Variants in GABRB1 observed in about 807,000 individuals in gnomAD.
GABRB1 encodes gamma-aminobutyric acid receptor subunit beta-1.
A neutral mutation model predicts 51.6 loss-of-function variants in GABRB1; 17 were observed. The observed-to-expected ratio is 0.33, with a 90% CI of 0.23 to 0.49. The LOEUF is 0.49. Among genes scored for constraint, GABRB1 ranks in the 20% least tolerant of loss-of-function variants. The pLI, the probability that GABRB1 is intolerant of heterozygous loss-of-function variation, is 0.99. For synonymous variants in GABRB1, 247 were observed against 218.9 expected (o/e 1.13, Z -1.14); for missense variants, 410 against 600.6 (o/e 0.68, Z 3.32).
At chr4:46,996,054 T>A (rs187186266) in intron 1 of GABRB1, among the ~76,000 whole-genome samples, 1 of 148,902 alleles carries the variant, frequency 6.7e-6, no homozygotes, top group East Asian at 2.0e-4. Flanking sequence ...AAAAAAATAT[T>A]GCCTGCTAAC....
intron 3 of GABRB1, among the ~76,000 whole-genome samples, chr4:47,092,731 C>T (rs1479804760): frequency 6.6e-6 from 1 of 151,846 alleles, no homozygotes; most frequent in Admixed American, 6.6e-5. Flanking sequence ...TCTGCCTCAG[C>T]CTCCCGAGTG....
chr4:47,049,396 C>T (rs1016628836), intron 3 of GABRB1, among the ~76,000 whole-genome samples: 2 of 152,074 alleles, frequency 1.3e-5, no homozygotes, highest in South Asian at 2.1e-4. Flanking sequence ...AATACAGAGG[C>T]TAATCAGACG....
chr4:47,077,441 G>A (rs1383001467), intron 3 of GABRB1, among the ~76,000 whole-genome samples: 1 of 152,100 alleles, frequency 6.6e-6, no homozygotes, highest in Non-Finnish European at 1.5e-5. Flanking sequence ...AAATAAAAAC[G>A]AAATAGTTGG....
chr4:47,179,008 C>A (rs1055410385), intron 4 of GABRB1, among the ~76,000 whole-genome samples: 9 of 152,036 alleles, frequency 5.9e-5, no homozygotes, highest in Non-Finnish European at 1.0e-4. Flanking sequence ...GATACATGTG[C>A]AGAACATGCA....
intron 3 of GABRB1, among the ~76,000 whole-genome samples, chr4:47,047,432 G>T (rs1350568435): frequency 6.6e-6 from 1 of 151,990 alleles, no homozygotes; most frequent in Non-Finnish European, 1.5e-5. Context: ...TGTAAACTGA[G>T]ATATAAAAAA....
At chr4:47,012,267 G>T (rs1459490133) in intron 1 of GABRB1, among the ~76,000 whole-genome samples, 2 of 152,236 alleles carry the variant, frequency 1.3e-5, no homozygotes, top group African/African-American at 2.4e-5. Flanking sequence ...CATCATGGGG[G>T]TTTGTTGTAC....
intron 3 of GABRB1, among the ~76,000 whole-genome samples, chr4:47,128,686 G>A (rs189707965): frequency 6.6e-6 from 1 of 151,832 alleles, no homozygotes; most frequent in East Asian, 1.9e-4. Flanking sequence ...ATATTTCAGA[G>A]TTTTGCCCCT....
At chr4:47,146,877 T>C (rs1202777788) in intron 3 of GABRB1, among the ~76,000 whole-genome samples, 2 of 152,068 alleles carry the variant, frequency 1.3e-5, no homozygotes, top group Admixed American at 1.3e-4. Context: ...ACTTAGAATG[T>C]GACAAAATTG....
At chr4:47,339,015 C>A (rs1263076919) in intron 5 of GABRB1, among the ~76,000 whole-genome samples, 1 of 152,096 alleles carries the variant, frequency 6.6e-6, no homozygotes, top group Non-Finnish European at 1.5e-5. Flanking sequence ...ATTCAGATAC[C>A]CATAAATCTA....
At chr4:47,367,609 T>C (rs1727024883) in intron 5 of GABRB1, among the ~76,000 whole-genome samples, 1 of 152,210 alleles carries the variant, frequency 6.6e-6, no homozygotes, top group African/African-American at 2.4e-5. Flanking sequence ...TTGCTTTCCC[T>C]AGAACTCCTT....
chr4:47,095,081 A>C (rs1714341224), intron 3 of GABRB1, among the ~76,000 whole-genome samples: 1 of 152,144 alleles, frequency 6.6e-6, no homozygotes, highest in Non-Finnish European at 1.5e-5. Flanking sequence ...AAGGAATAGG[A>C]CTGTTACATG....
At chr4:47,047,656 C>A (rs1331753455) in intron 3 of GABRB1, among the ~76,000 whole-genome samples, 1 of 152,062 alleles carries the variant, frequency 6.6e-6, no homozygotes, top group Non-Finnish European at 1.5e-5. Flanking sequence ...GGAAGAAATG[C>A]ATTAGCAATT....
rs1450560113 is a variant in GABRB1 at position 47,033,056 on chromosome 4, C to G, written c.240+572C>G. On this transcript the variant is annotated intron_variant, in intron 3 of 8. Transcript: ENST00000295454. ...CCATGTTTGCTAGTAGGAAAAGTGC[C>G]CGAGCCTGGGTAGGCTTGTATTGTT... 1.5e-5 allele frequency: 4 copies of G among 268,010 alleles called. No homozygotes were observed. The Admixed American group carries it at 1.8e-4, about 12-fold the overall frequency. 16.6% of individuals were successfully genotyped at this position (268,010 alleles called of 1,614,324 possible). A position where few individuals can be genotyped will look rare whatever the true frequency, so the allele number is the denominator to read the frequency against.
intron 3 of GABRB1, among the ~76,000 whole-genome samples, chr4:47,060,406 G>C (rs1726796336): frequency 6.6e-6 from 1 of 151,784 alleles, no homozygotes. Context: ...AGCTTTCCAG[G>C]GTATTGCCCC....
chr4:47,029,559 A>G (rs189101047), upstream of GABRB1, among the ~76,000 whole-genome samples: 2 of 152,060 alleles, frequency 1.3e-5, no homozygotes, highest in East Asian at 1.9e-4. Context: ...TTACATTTTA[A>G]CATAGTTATC....
chr4:47,085,590 A>G (rs1728024370), intron 3 of GABRB1, among the ~76,000 whole-genome samples: 1 of 152,130 alleles, frequency 6.6e-6, no homozygotes, highest in Non-Finnish European at 1.5e-5. Context: ...AAAAAATCTC[A>G]CTTCTCAACA....
At chr4:47,211,562 G>A (rs890186189) in intron 4 of GABRB1, among the ~76,000 whole-genome samples, 1 of 152,152 alleles carries the variant, frequency 6.6e-6, no homozygotes, top group Non-Finnish European at 1.5e-5. Context: ...GGGATGGTGT[G>A]CTACCTTGAG....
intron 2 of GABRB1, 40 bp downstream of exon 2, chr4:47,032,045 G>C: frequency 1.9e-6 from 2 of 1,060,238 alleles, no homozygotes; most frequent in Non-Finnish European, 2.7e-6. Context: ...CCCATCCTTA[G>C]TTCTCCTTTT....
chr4:47,316,967 A>G (rs1230891402), intron 4 of GABRB1, among the ~76,000 whole-genome samples: 4 of 151,976 alleles, frequency 2.6e-5, no homozygotes, highest in Admixed American at 1.3e-4. Flanking sequence ...CAACATTAGA[A>G]CTTACAAGGT....
Sources: gnomAD v4.1 joint callset for allele counts (sites outside exome capture counted in the v4.1 genomes callset) on GRCh38, gnomAD v4.1.1 for gene constraint, MANE v1.5 for transcripts, NCBI Gene and HGNC (gene_info 2026-07-23, HGNC 2026-07-21) for gene names.